IRF2: variants seen among roughly 807,000 people sequenced by gnomAD.
IRF2 encodes interferon regulatory factor 2.
A neutral mutation model predicts 40.6 loss-of-function variants in IRF2; 15 were observed. The observed-to-expected ratio is 0.37, with a 90% CI of 0.25 to 0.57. IRF2 has a LOEUF of 0.57. IRF2 is among the 20% of genes least tolerant of loss of function. IRF2 has a pLI of 0.77. For synonymous variants in IRF2, 151 were observed against 165.5 expected (o/e 0.91, Z 0.67); for missense variants, 317 against 455.7 (o/e 0.70, Z 2.77).
chr4:184,417,822 ATATACT>A lies in IRF2; in HGVS notation c.411+339_411+344del, dbSNP rs1737336359. Among the ~76,000 whole-genome samples the A allele has an allele frequency of 2.0e-5, 3 of 149,792 alleles. No homozygotes were observed. In the Admixed American group the frequency reaches 2.0e-4, roughly 10 times the overall value. On this transcript the variant is annotated intron_variant, in intron 5 of 8. Coordinates refer to ENST00000393593, the MANE Select transcript of IRF2 (RefSeq NM_002199.4). ...TTAAAGTATACTTAATAGCCTGAAA[ATATACT>A]TAATAGTATGAGAATAAGCTGTTGT...
chr4:184,433,583 T>G (rs548574828), intron 1 of IRF2, among the ~76,000 whole-genome samples: 93 of 152,226 alleles, frequency 6.1e-4, no homozygotes, highest in African/African-American at 2.1e-3. Flanking sequence ...AAGCAAAAAA[T>G]CGAACAAGTA....
At chr4:184,456,438 T>C (rs1204288600) in intron 1 of IRF2, among the ~76,000 whole-genome samples, 3 of 152,160 alleles carry the variant, frequency 2.0e-5, no homozygotes, top group Non-Finnish European at 4.4e-5. Context: ...GAGCCATTGG[T>C]GATACGAAGA....
At chr4:184,457,577 C>T (rs1738989775) in intron 1 of IRF2, among the ~76,000 whole-genome samples, 1 of 152,134 alleles carries the variant, frequency 6.6e-6, no homozygotes, top group Non-Finnish European at 1.5e-5. Context: ...CAATTCAAAA[C>T]AAACAAAAGA....
chr4:184,394,524 C>G (rs889126906), intron 7 of IRF2, among the ~76,000 whole-genome samples: 1 of 152,208 alleles, frequency 6.6e-6, no homozygotes, highest in African/African-American at 2.4e-5. Context: ...TCGGAATCCT[C>G]TTAATCTCAA....
In IRF2 at chr4:184,389,078, G is replaced by A. The variant is rs750697403; in HGVS notation, c.742-12C>T. ...CAGTGTGGCCGCCCCTTTCAAGAAA[G>A]TAATTAAGATATGTATTTCCTTCTC... On this transcript the variant is annotated splice_polypyrimidine_tract_variant and intron_variant, in intron 8 of 8. Coordinates refer to ENST00000393593, the MANE Select transcript of IRF2 (RefSeq NM_002199.4). 1.2e-6 allele frequency: 2 copies of A among 1,612,608 alleles called. No homozygotes were observed. The highest frequency in any genetic ancestry group is 1.3e-5 in the African/African-American group (1 of 74,874).
At chr4:184,430,348 C>T (rs1409938493) in intron 1 of IRF2, among the ~76,000 whole-genome samples, 3 of 150,826 alleles carry the variant, frequency 2.0e-5, no homozygotes, top group Admixed American at 2.0e-4. Flanking sequence ...TTGTATGCCT[C>T]CTGCAGTCTG....
intron 1 of IRF2, among the ~76,000 whole-genome samples, chr4:184,432,882 A>G (rs974534897): frequency 3.3e-5 from 5 of 152,186 alleles, no homozygotes; most frequent in African/African-American, 1.2e-4. Flanking sequence ...GGCCCTACTG[A>G]TGCCTTGATC....
At chr4:184,435,033 A>G (rs1364636082) in intron 1 of IRF2, among the ~76,000 whole-genome samples, 1 of 152,196 alleles carries the variant, frequency 6.6e-6, no homozygotes, top group Non-Finnish European at 1.5e-5. Context: ...TGGGTGGCAG[A>G]AAGACAGCCC....
At chr4:184,446,671 T>C (rs1738520639) in intron 1 of IRF2, among the ~76,000 whole-genome samples, 1 of 152,184 alleles carries the variant, frequency 6.6e-6, no homozygotes, top group African/African-American at 2.4e-5. Flanking sequence ...CTTTTTCATA[T>C]ATCTCAATAA....
intron 7 of IRF2, among the ~76,000 whole-genome samples, chr4:184,395,259 A>G (rs1190270177): frequency 1.3e-5 from 2 of 151,920 alleles, no homozygotes; most frequent in Non-Finnish European, 2.9e-5. Context: ...AAAATACAAA[A>G]AAAATTAGCC....
rs114889992 is a variant in IRF2, at chr4:184,439,252, T to C, written c.-6-10182A>G. On this transcript the variant is annotated intron_variant, in intron 1 of 8. Coordinates refer to ENST00000393593, the MANE Select transcript of IRF2 (RefSeq NM_002199.4). ...ATACATCATAACCCACCTTTATTCT[T>C]TTCTGTTCTGTTCATGCCACTATCC... Among the ~76,000 whole-genome samples, 1,190 of 151,770 alleles carry C rather than the reference T, an allele frequency of 7.8e-3. 9 individuals are homozygous for C. The highest frequency in any genetic ancestry group is 0.013 in the Non-Finnish European group (872 of 67,934).
intron 1 of IRF2, among the ~76,000 whole-genome samples, chr4:184,450,100 C>T (rs1052799363): frequency 1.3e-5 from 2 of 152,170 alleles, no homozygotes; most frequent in African/African-American, 4.8e-5. Flanking sequence ...ATACCATATA[C>T]CACAAGGAAC....
At chr4:184,467,021 TACCC>T (rs1305292526) in intron 1 of IRF2, among the ~76,000 whole-genome samples, 4 of 152,228 alleles carry the variant, frequency 2.6e-5, no homozygotes, top group Non-Finnish European at 4.4e-5. Flanking sequence ...AACATCACTG[TACCC>T]TAAGGTGACT....
At chr4:184,433,181 G>T (rs1055194682) in intron 1 of IRF2, among the ~76,000 whole-genome samples, 9 of 152,184 alleles carry the variant, frequency 5.9e-5, no homozygotes, top group African/African-American at 1.7e-4. Context: ...GGGAAGAGCT[G>T]AGTGTGAAAT....
intron 1 of IRF2, among the ~76,000 whole-genome samples, chr4:184,442,652 A>G (rs793791): frequency 0.19 from 28,925 of 151,682 alleles, 3,110 homozygotes; most frequent in Middle Eastern, 0.35. Context: ...ATATTTGTCA[A>G]TTTCCACCTC....
chr4:184,393,353 C>T (rs778664635), intron 7 of IRF2, among the ~76,000 whole-genome samples: 2 of 152,224 alleles, frequency 1.3e-5, no homozygotes, highest in Non-Finnish European at 2.9e-5. Context: ...TCCTTTCATA[C>T]GGGTTCAGAT....
chr4:184,418,285 A>T lies in IRF2; in HGVS notation c.365-72T>A, dbSNP rs1456409461. 4.8e-6 allele frequency: 6 copies of T among 1,243,372 alleles called. No homozygotes were observed. In the East Asian group the frequency reaches 6.9e-5, roughly 14 times the overall value. 77.0% of individuals were successfully genotyped at this position (1,243,372 alleles called of 1,614,324 possible). On this transcript the variant is annotated intron_variant, in intron 4 of 8. Coordinates refer to ENST00000393593, the MANE Select transcript of IRF2 (RefSeq NM_002199.4). ...CAGAGAAACATTTCCCTCAAATTAA[A>T]TTCTTTCTGAAACTCTCAATGAACC...
intron 1 of IRF2, among the ~76,000 whole-genome samples, chr4:184,472,885 T>C (rs1739565391): frequency 6.6e-6 from 1 of 152,096 alleles, no homozygotes; most frequent in Non-Finnish European, 1.5e-5. Flanking sequence ...GCTGCCCGCC[T>C]CCTTCCCCTC....
chr4:184,395,932 G>A (rs952878584), intron 7 of IRF2, among the ~76,000 whole-genome samples: 1 of 152,200 alleles, frequency 6.6e-6, no homozygotes, highest in Non-Finnish European at 1.5e-5. Flanking sequence ...GCCACTGCTG[G>A]CAGAACAGCA....
Sources: gnomAD v4.1 joint callset for allele counts (sites outside exome capture counted in the v4.1 genomes callset) on GRCh38, gnomAD v4.1.1 for gene constraint, MANE v1.5 for transcripts, NCBI Gene and HGNC (gene_info 2026-07-23, HGNC 2026-07-21) for gene names.